The following NOX4 variants were observed in gnomAD, a reference collection of about 807,000 sequenced individuals.
NOX4 encodes NADPH oxidase 4, also known as kidney oxidase-1.
Under a neutral mutation model 87.6 loss-of-function variants are expected in NOX4, and 69 were observed. The ratio of observed to expected loss-of-function variants is 0.79; its 90% CI spans 0.65 to 0.96. NOX4 has a LOEUF of 0.96. Among genes scored for constraint, NOX4 ranks in the 40% least tolerant of loss-of-function variants. The probability of loss-of-function intolerance (pLI) is 0.00; values close to 1 mark genes in which losing one functional copy is unlikely to be tolerated. For missense variants in NOX4, 680 were observed against 681.5 expected, an observed-to-expected ratio of 1.00 and a Z score of 0.02; for synonymous variants, 275 against 238.2, an observed-to-expected ratio of 1.15 and a Z score of -1.42.
the NOX4 span, among the ~76,000 whole-genome samples, chr11:89,513,324 A>AC: frequency 6.6e-6 from 1 of 151,974 alleles, no homozygotes; most frequent in Non-Finnish European, 1.5e-5. Flanking sequence ...CCGTCTAAAA[A>AC]AAAAAAAATC....
chr11:89,524,074 G>A, the NOX4 span, among the ~76,000 whole-genome samples: 3 of 152,162 alleles, frequency 2.0e-5, no homozygotes, highest in African/African-American at 7.2e-5. Flanking sequence ...GTTAGCTGTG[G>A]TGGTTTATGG....
At chr11:89,556,005 G>T in the NOX4 span, among the ~76,000 whole-genome samples, 2 of 152,058 alleles carry the variant, frequency 1.3e-5, no homozygotes, top group African/African-American at 4.8e-5. Flanking sequence ...AACAGTTTGT[G>T]TGCTAAAAAA....
intron 5 of NOX4, among the ~76,000 whole-genome samples, chr11:89,441,889 T>C (rs993907887): frequency 1.3e-5 from 2 of 150,114 alleles, no homozygotes; most frequent in African/African-American, 4.9e-5. Context: ...AACAATAGGG[T>C]ATATTGGCAC....
intron 12 of NOX4, 122 bp downstream of exon 12, chr11:89,373,308 ACC>A: frequency 1.9e-6 from 1 of 534,320 alleles, no homozygotes; most frequent in South Asian, 3.5e-5. Context: ...ACAAAAAAAA[ACC>A]CAGAACAGCT....
intron 2 of NOX4, among the ~76,000 whole-genome samples, chr11:89,455,211 T>C (rs1317205698): frequency 6.6e-6 from 1 of 151,816 alleles, no homozygotes; most frequent in Non-Finnish European, 1.5e-5. Flanking sequence ...TCCTCTTTAG[T>C]TGGTATATGA....
At chr11:89,494,700 G>A (rs1946929169), upstream of NOX4, among the ~76,000 whole-genome samples, 1 of 152,196 alleles carries the variant, frequency 6.6e-6, no homozygotes, top group African/African-American at 2.4e-5. Context: ...GACAATTAAT[G>A]ACCAGAAAAG....
intron 16 of NOX4, among the ~76,000 whole-genome samples, chr11:89,337,060 T>C (rs1236204392): frequency 2.0e-5 from 3 of 152,086 alleles, no homozygotes; most frequent in Admixed American, 6.6e-5. Flanking sequence ...AAATAATGCA[T>C]GATGGCTATC....
In NOX4 at chr11:89,444,156, A is replaced by G. The variant is rs1179345315; in HGVS notation, c.426T>C (p.Asn142=). 1.2e-6 allele frequency: 2 copies of G among 1,613,644 alleles called. No individual in the cohort carries two copies. The highest frequency in any genetic ancestry group is 1.7e-6 in the Non-Finnish European group (2 of 1,179,718). The stretch of plus-strand genomic sequence containing the variant: ...CCACCTCATCTCGGTATCTTGCTGC[A>G]TTCAGTTCAACAAAGTCTTCACTGT... ...VNYSEDFVEL[N]AARYRDEDPR... is the part of the protein sequence containing the mutation. Residue 142 remains asparagine, a synonymous_variant, in exon 5 of 18, where the codon AAT becomes AAC. Transcript: ENST00000263317.
the NOX4 span, among the ~76,000 whole-genome samples, chr11:89,581,976 A>T: frequency 6.6e-6 from 1 of 152,112 alleles, no homozygotes; most frequent in Non-Finnish European, 1.5e-5. Context: ...AAACTTATTC[A>T]TCTTGCATGA....
the NOX4 span, among the ~76,000 whole-genome samples, chr11:89,517,752 G>A: frequency 6.6e-6 from 1 of 151,700 alleles, no homozygotes; most frequent in Admixed American, 6.6e-5. Flanking sequence ...CAAAATGCTG[G>A]GTGATTTCTT....
the NOX4 span, among the ~76,000 whole-genome samples, chr11:89,583,057 T>C: frequency 1.3e-5 from 2 of 152,294 alleles, no homozygotes; most frequent in East Asian, 3.9e-4. Context: ...AAATTAAAAA[T>C]ACACAATCAA....
chr11:89,333,064 C>T (rs1945541743), intron 17 of NOX4, among the ~76,000 whole-genome samples: 1 of 151,834 alleles, frequency 6.6e-6, no homozygotes, highest in East Asian at 1.9e-4. Context: ...TACTGCAATA[C>T]TCTCACATGA....
At chr11:89,331,390 A>G (rs1193944170) in intron 17 of NOX4, among the ~76,000 whole-genome samples, 2 of 151,932 alleles carry the variant, frequency 1.3e-5, no homozygotes, top group African/African-American at 4.8e-5. Context: ...TCTGAAATCA[A>G]TGACCTATGT....
chr11:89,581,304 C>G, the NOX4 span, among the ~76,000 whole-genome samples: 20 of 152,270 alleles, frequency 1.3e-4, no homozygotes, highest in African/African-American at 4.8e-4. Flanking sequence ...TTTGTGATAA[C>G]AGAACTTACC....
chr11:89,431,745 T>C (rs317138), intron 7 of NOX4, among the ~76,000 whole-genome samples: 8,496 of 152,230 alleles, frequency 0.056, 847 homozygotes, highest in African/African-American at 0.2. Context: ...ACTTTTACAC[T>C]GTTGGTGGGA....
Position 89,340,082 on chromosome 11 carries a change from A to G in NOX4, c.1427T>C (p.Leu476Pro), listed in dbSNP as rs767957684. 9 of 1,565,564 alleles carry G rather than the reference A, an allele frequency of 5.7e-6. No homozygotes were observed. Among genetic ancestry groups the G allele is most frequent in the African/African-American group, 1.4e-5 (1 of 71,432 alleles). Residue 476 changes from leucine to proline, a missense_variant, in exon 15 of 18, where the codon CTC (leucine) becomes CCC (proline). Transcript: ENST00000263317. The stretch of plus-strand genomic sequence containing the variant: ...TGTTACCTTGTTATGCAACATACAG[A>G]GTAAATCTGCAAACCAACGGAAGGA... ...IQSFRWFADL[L>P]CMLHNKFWQE...
At chr11:89,397,609 T>A (rs1941576264) in intron 11 of NOX4, among the ~76,000 whole-genome samples, 1 of 151,598 alleles carries the variant, frequency 6.6e-6, no homozygotes, top group Non-Finnish European at 1.5e-5. Flanking sequence ...ATCAAATAGA[T>A]GTAATAAAAA....
In NOX4 at chr11:89,325,115, C is replaced by CCTTTTT. The variant is rs1565158757; in HGVS notation, c.*1640_*1641insAAAAAG. ...ACTAAACTGTATGAATGCTTTAATT[C>CCTTTTT]TTTTTTTTTTTTTTTTTTTTTTTTT... On this transcript the variant is annotated 3_prime_UTR_variant, in exon 18 of 18. Transcript: ENST00000263317. 6.6e-5 allele frequency: 5 copies of CCTTTTT among 76,332 alleles called. No homozygotes were observed. The highest frequency in any genetic ancestry group is 1.2e-4 in the Non-Finnish European group (5 of 42,162). The allele number at this position is 76,332 out of a possible 1,614,324, so 4.7% of individuals were successfully genotyped here. A position where few individuals can be genotyped will look rare whatever the true frequency, so the allele number is the denominator to read the frequency against.
intron 8 of NOX4, among the ~76,000 whole-genome samples, chr11:89,416,670 G>C (rs768685611): frequency 2.6e-5 from 4 of 152,130 alleles, no homozygotes; most frequent in Middle Eastern, 3.2e-3. Flanking sequence ...ATCCGCCTAT[G>C]ACACTGCCGG....
Sources: gnomAD v4.1 joint callset for allele counts (sites outside exome capture counted in the v4.1 genomes callset) on GRCh38, gnomAD v4.1.1 for gene constraint, MANE v1.5 for transcripts, NCBI Gene and HGNC (gene_info 2026-07-23, HGNC 2026-07-21) for gene names.